WNT10A: variants seen among roughly 807,000 people sequenced by gnomAD.
The protein encoded by WNT10A is Wnt family member 10A.
WNT10A carries 37 observed loss-of-function variants against 36.1 expected under a neutral mutation model. That is an observed-to-expected ratio of 1.02 (90% CI 0.79 to 1.35). The LOEUF (loss-of-function observed/expected upper bound fraction) is 1.35. Among genes scored for constraint, WNT10A ranks in the 40% most tolerant of loss-of-function variants. The pLI is 0.00. For synonymous variants in WNT10A, 255 were observed against 254.1 expected (o/e 1.00, Z -0.03); for missense variants, 613 against 601.4 (o/e 1.02, Z -0.20).
At chr2:218,891,240 C>G (rs1183537822) in intron 3 of WNT10A, among the ~76,000 whole-genome samples, 1 of 152,202 alleles carries the variant, frequency 6.6e-6, no homozygotes, top group African/African-American at 2.4e-5. Flanking sequence ...TGAGCCTGTT[C>G]TCTTTTGTTC....
upstream of WNT10A, among the ~76,000 whole-genome samples, chr2:218,879,903 G>T (rs1173343287): frequency 3.3e-5 from 5 of 152,208 alleles, no homozygotes; most frequent in Non-Finnish European, 7.3e-5. Flanking sequence ...GCCACCCCGG[G>T]CGCTCCTACG....
intron 2 of WNT10A, among the ~76,000 whole-genome samples, chr2:218,887,640 G>A (rs981198008): frequency 1.3e-5 from 2 of 152,234 alleles, no homozygotes; most frequent in East Asian, 1.9e-4. Flanking sequence ...TGCTTCATAG[G>A]CATCTGGTGG....
Position 218,882,292 on chromosome 2 carries a change from C to T in WNT10A, c.245C>T (p.Ala82Val). The T allele has an allele frequency of 6.2e-7, 1 of 1,614,222 alleles. No individual in the cohort carries two copies. The highest frequency in any genetic ancestry group is 1.1e-5 in the South Asian group (1 of 91,084). Residue 82 changes from alanine (A) to valine (V), a missense_variant, in exon 2 of 4, where the codon GCT becomes GTT. Ala to Val is a moderately conservative substitution (Grantham distance 64). Coordinates refer to ENST00000258411, the MANE Select transcript of WNT10A (RefSeq NM_025216.3). ...MEVCVRHPDV[A>V]ASAIQGIQIA... ...GTGTGTGTGCGTCACCCTGATGTGG[C>T]TGCCTCAGCCATACAGGGCATCCAG...
At chr2:218,874,756 A>G in the WNT10A span, among the ~76,000 whole-genome samples, 6 of 152,238 alleles carry the variant, frequency 3.9e-5, no homozygotes, top group Non-Finnish European at 7.3e-5. Context: ...TTGGGGTCAG[A>G]CACTCTGGGT....
At chr2:218,877,311 C>G (rs568143757), upstream of WNT10A, among the ~76,000 whole-genome samples, 4 of 152,336 alleles carry the variant, frequency 2.6e-5, no homozygotes, top group African/African-American at 9.6e-5. The surrounding 1 kb of genome is among the most constrained non-coding windows in gnomAD (Gnocchi z 4.1). Context: ...CCACATGTTA[C>G]TGGTCCATCT....
Position 218,882,252 on chromosome 2 carries a change from C to G in WNT10A, c.205C>G (p.Arg69Gly), listed in dbSNP as rs200487809. 3 of 1,614,170 alleles carry G rather than the reference C, an allele frequency of 1.9e-6. No homozygotes were observed. The highest frequency in any genetic ancestry group is 2.5e-6 in the Non-Finnish European group (3 of 1,180,032). Residue 69 changes from arginine (R) to glycine (G), a missense_variant, in exon 2 of 4, where the codon CGG becomes GGG. Physicochemically the swap from Arg to Gly is moderately radical, Grantham distance 125 (BLOSUM62 -2). Transcript: ENST00000258411. ...TVCLTLPGLS[R>G]RQMEVCVRHP... ...GTGCCTAACATTGCCAGGCCTGAGC[C>G]GGCGGCAGATGGAGGTGTGTGTGCG...
intron 2 of WNT10A, among the ~76,000 whole-genome samples, chr2:218,886,586 A>G (rs1944579945): frequency 6.6e-6 from 1 of 152,054 alleles, no homozygotes; most frequent in Non-Finnish European, 1.5e-5. Flanking sequence ...TCCCAGATCA[A>G]AGGCAGGGCG....
rs375819091 is a variant in WNT10A at position 218,890,073 on chromosome 2, G to C, written c.466G>C (p.Ala156Pro). 4.3e-6 allele frequency: 7 copies of C among 1,614,134 alleles called. No individual in the cohort carries two copies. The Admixed American group carries it at 6.7e-5, about 15-fold the overall frequency. The change falls in exon 3 of 4, where the codon GCC (alanine) becomes CCC (proline). Residue 156 changes from alanine (A) to proline (P), a missense_variant. Ala to Pro is a conservative substitution (Grantham distance 27, BLOSUM62 -1). Transcript: ENST00000258411. ...TGCGTGTGCCCTGGGCAAACTGAAG[G>C]CCTGTGGCTGTGATGCGTCCCGGCG... is the stretch of plus-strand genomic sequence containing the variant. ...SNACALGKLKACGCDASRRGD... is the reference protein window; with the variant it reads ...SNACALGKLKPCGCDASRRGD...
chr2:218,888,077 T>C (rs970909850), intron 2 of WNT10A, among the ~76,000 whole-genome samples: 8 of 152,232 alleles, frequency 5.3e-5, no homozygotes, highest in African/African-American at 1.9e-4. Flanking sequence ...TGGTTGTTTT[T>C]GGTTTTGGTT....
chr2:218,879,771 A>G (rs180692942), upstream of WNT10A, among the ~76,000 whole-genome samples: 1 of 152,296 alleles, frequency 6.6e-6, no homozygotes, highest in African/African-American at 2.4e-5. Flanking sequence ...CTCTTCCGCT[A>G]ATTTGCTGTG....
chr2:218,880,838 G>C, upstream of WNT10A: 1 of 798,296 alleles, frequency 1.3e-6, no homozygotes, highest in South Asian at 2.1e-5. This position sits in a 1 kb window ranked among gnomAD's most constrained non-coding sequence, Gnocchi z 7.7. Flanking sequence ...CCATGGAGCG[G>C]GGAGGCGGGC....
At chr2:218,890,427 C>T in intron 3 of WNT10A, 64 bp downstream of exon 3, 2 of 1,596,190 alleles carry the variant, frequency 1.3e-6, no homozygotes, top group South Asian at 2.2e-5. Flanking sequence ...CTTGCCCTGG[C>T]CTACCTCTCT....
upstream of WNT10A, among the ~76,000 whole-genome samples, chr2:218,879,623 TC>T (rs1257603687): frequency 3.3e-5 from 5 of 152,126 alleles, no homozygotes; most frequent in African/African-American, 1.2e-4. Context: ...ATTAGGGACC[TC>T]CTAGAGGACC....
upstream of WNT10A, among the ~76,000 whole-genome samples, chr2:218,877,051 G>A (rs573512430): frequency 1.3e-5 from 2 of 152,198 alleles, no homozygotes; most frequent in Non-Finnish European, 2.9e-5. The surrounding 1 kb of genome is among the most constrained non-coding windows in gnomAD (Gnocchi z 4.1). Flanking sequence ...GAGATAGGGT[G>A]GAAGATGCTG....
intron 1 of WNT10A, among the ~76,000 whole-genome samples, 197 bp from the exon 2 acceptor site, chr2:218,881,964 T>G (rs907535087): frequency 6.6e-6 from 1 of 152,026 alleles, no homozygotes; most frequent in Non-Finnish European, 1.5e-5. Flanking sequence ...GCTAGCTGAG[T>G]GAGTTGCACT....
rs1390452460 is a variant in WNT10A, at chr2:218,883,583, G to T, written c.376+1160G>T. On this transcript the variant is annotated intron_variant, in intron 2 of 3. Coordinates refer to ENST00000258411, the MANE Select transcript of WNT10A (RefSeq NM_025216.3). ...GCGCTCCCTCCTCCCTCCCCCGCGCGCCCCGGGCGCTGTTTCTACCCGGCC... is the reference window on the plus strand; with the variant it reads ...GCGCTCCCTCCTCCCTCCCCCGCGCTCCCCGGGCGCTGTTTCTACCCGGCC... 3.3e-5 allele frequency among the ~76,000 whole-genome samples: 4 copies of T among 120,252 alleles called. No individual in the cohort carries two copies. The East Asian group carries it at 8.8e-4, about 26-fold the overall frequency. The allele number at this position is 120,252 out of a possible 152,430, so 78.9% of individuals were successfully genotyped here.
chr2:218,892,990 C>A lies in WNT10A; in HGVS notation c.973C>A (p.Pro325Thr), dbSNP rs750712776. 3.3e-6 allele frequency: 5 copies of A among 1,528,284 alleles called. No individual in the cohort carries two copies. The highest frequency in any genetic ancestry group is 4.4e-6 in the Non-Finnish European group (5 of 1,147,784). The allele number at this position is 1,528,284 out of a possible 1,614,324, so 94.7% of individuals were successfully genotyped here. Reference protein sequence around the residue: ...AGAPSPAPGAPGPRRRASPAD... With the variant: ...AGAPSPAPGATGPRRRASPAD... The stretch of plus-strand genomic sequence containing the variant: ...GGCACCCTCGCCGGCTCCGGGCGCT[C>A]CCGGGCCGCGCCGACGGGCCAGCCC... Residue 325 changes from proline to threonine, a missense_variant, in exon 4 of 4, where the codon CCC (proline) becomes ACC (threonine). By Grantham distance (38) the Pro-to-Thr change is conservative (BLOSUM62 -1). Coordinates refer to ENST00000258411, the MANE Select transcript of WNT10A (RefSeq NM_025216.3).
chr2:218,882,843 C>T (rs1013903924), intron 2 of WNT10A, among the ~76,000 whole-genome samples: 5 of 152,216 alleles, frequency 3.3e-5, no homozygotes, highest in Non-Finnish European at 5.9e-5. Context: ...TTTGCCTAAT[C>T]GTGCAGATGG....
In WNT10A at chr2:218,890,365, T is replaced by TGAGA. The variant is rs1944637203; in HGVS notation, c.756+4_756+7dup. The stretch of plus-strand genomic sequence containing the variant: ...CACAACAACCGAGTTGGGAGGCAGG[T>TGAGA]GAGAGCCCCACCCCTGGGTCTGCTT... On this transcript the variant is annotated splice_region_variant and intron_variant, in intron 3 of 3. Transcript: ENST00000258411. The TGAGA allele has an allele frequency of 1.3e-6, 2 of 1,599,438 alleles. No individual in the cohort carries two copies. The highest frequency in any genetic ancestry group is 2.7e-5 in the African/African-American group (2 of 74,896).
Sources: gnomAD v4.1 joint callset for allele counts (sites outside exome capture counted in the v4.1 genomes callset) on GRCh38, gnomAD v4.1.1 for gene constraint, Gnocchi (gnomAD v3.1) non-coding constraint, MANE v1.5 for transcripts, NCBI Gene and HGNC (gene_info 2026-07-23, HGNC 2026-07-21) for gene names.